Variants in FHIT observed in about 807,000 individuals in gnomAD.
FHIT encodes bis(5'-adenosyl)-triphosphatase.
In FHIT, 19 loss-of-function variants were observed where a neutral mutation model predicts 17.9. That is an observed-to-expected ratio of 1.06 (90% CI 0.74 to 1.56). The LOEUF is 1.56. Ranked by LOEUF, FHIT falls within the 40% of genes most tolerant of loss-of-function variation. FHIT has a pLI of 0.00. For synonymous variants in FHIT, 81 were observed against 69.7 expected (o/e 1.16, Z -0.81); for missense variants, 248 against 189.2 (o/e 1.31, Z -1.82).
chr3:61,184,301 C>A (rs1026057093), intron 2 of FHIT, among the ~76,000 whole-genome samples: 2 of 152,028 alleles, frequency 1.3e-5, no homozygotes, highest in African/African-American at 4.8e-5. Context: ...AACTGAATGG[C>A]CCCTTAGACC....
At chr3:60,232,662 A>T (rs1482233652) in intron 5 of FHIT, among the ~76,000 whole-genome samples, 2 of 152,124 alleles carry the variant, frequency 1.3e-5, no homozygotes, top group African/African-American at 4.8e-5. Flanking sequence ...TTCTGCCTCC[A>T]GGCATATCCC....
intron 5 of FHIT, among the ~76,000 whole-genome samples, chr3:60,195,695 A>G (rs993914332): frequency 1.3e-5 from 2 of 150,188 alleles, no homozygotes; most frequent in Non-Finnish European, 3.0e-5. Flanking sequence ...CTACTCAACC[A>G]TAAACAAGAA....
At chr3:59,859,338 T>C (rs1321784745) in intron 8 of FHIT, among the ~76,000 whole-genome samples, 1 of 152,042 alleles carries the variant, frequency 6.6e-6, no homozygotes, top group African/African-American at 2.4e-5. Context: ...GAAGAAACAG[T>C]GGAAGCTCCA....
At chr3:60,116,805 T>G (rs1009086332) in intron 5 of FHIT, among the ~76,000 whole-genome samples, 3 of 152,024 alleles carry the variant, frequency 2.0e-5, no homozygotes, top group Admixed American at 2.0e-4. Context: ...ATATGAAAAT[T>G]TTTTCCTGCC....
At chr3:60,890,212 T>G (rs1705439362) in intron 3 of FHIT, among the ~76,000 whole-genome samples, 2 of 91,766 alleles carry the variant, frequency 2.2e-5, no homozygotes, top group Non-Finnish European at 2.1e-5. Context: ...AAAATTAGCT[T>G]CCATGATGTA....
At chr3:60,095,989 G>T (rs770490441) in intron 5 of FHIT, among the ~76,000 whole-genome samples, 1 of 152,114 alleles carries the variant, frequency 6.6e-6, no homozygotes, top group Admixed American at 6.5e-5. Flanking sequence ...ATCATAAAAA[G>T]ACCAGAAATA....
At chr3:60,277,110 G>A (rs1045832563) in intron 5 of FHIT, among the ~76,000 whole-genome samples, 1 of 152,086 alleles carries the variant, frequency 6.6e-6, no homozygotes, top group Admixed American at 6.6e-5. Flanking sequence ...AGTCCTGGTG[G>A]TCAGCAAGAA....
Position 60,341,219 on chromosome 3 carries a change from C to T in FHIT, c.103+195641G>A, listed in dbSNP as rs917421789. On this transcript the variant is annotated intron_variant, in intron 5 of 9. Transcript: ENST00000492590. ...TGTGTTGTTTTGAGCTGGATATATC[C>T]ACACAGCACTTTAGTTTGTAAGGTA... 2.6e-5 allele frequency among the ~76,000 whole-genome samples: 4 copies of T among 152,068 alleles called. No individual in the cohort carries two copies. The East Asian group carries it at 7.7e-4, about 29-fold the overall frequency.
At chr3:61,037,384 AGT>A (rs2033310318) in intron 3 of FHIT, among the ~76,000 whole-genome samples, 1 of 152,212 alleles carries the variant, frequency 6.6e-6, no homozygotes, top group Non-Finnish European at 1.5e-5. Context: ...GAAAAATAAT[AGT>A]GTTTCCCAAA....
At chr3:61,041,634 C>T (rs539106694) in intron 3 of FHIT, among the ~76,000 whole-genome samples, 1 of 151,512 alleles carries the variant, frequency 6.6e-6, no homozygotes, top group Non-Finnish European at 1.5e-5. Context: ...ATAGAAATGC[C>T]CATCTATAAT....
chr3:60,273,259 T>G (rs1706957215), intron 5 of FHIT, among the ~76,000 whole-genome samples: 1 of 152,194 alleles, frequency 6.6e-6, no homozygotes. Flanking sequence ...TGAATTAATA[T>G]CCAATTCTCT....
At chr3:60,456,436 A>G (rs570718305) in intron 5 of FHIT, among the ~76,000 whole-genome samples, 41 of 152,318 alleles carry the variant, frequency 2.7e-4, no homozygotes, top group African/African-American at 9.1e-4. Flanking sequence ...CTGCAAGGTC[A>G]CACTTTGGGG....
At chr3:60,442,914 G>A (rs2031018442) in intron 5 of FHIT, among the ~76,000 whole-genome samples, 1 of 152,156 alleles carries the variant, frequency 6.6e-6, no homozygotes, top group Non-Finnish European at 1.5e-5. Context: ...AGCATGGAAT[G>A]TTCTTCCATT....
chr3:60,561,291 C>G (rs893632141), intron 4 of FHIT, among the ~76,000 whole-genome samples: 9 of 152,076 alleles, frequency 5.9e-5, no homozygotes, highest in African/African-American at 2.2e-4. Flanking sequence ...TACTCAAGGT[C>G]AAGCTCTTAG....
chr3:60,755,709 A>G (rs920341830), intron 4 of FHIT, among the ~76,000 whole-genome samples: 1 of 152,234 alleles, frequency 6.6e-6, no homozygotes, highest in African/African-American at 2.4e-5. Flanking sequence ...AAAGTTTCAA[A>G]TAACATGTAA....
intron 5 of FHIT, among the ~76,000 whole-genome samples, chr3:60,222,197 CTTAT>C (rs1293284255): frequency 2.0e-5 from 3 of 151,862 alleles, no homozygotes; most frequent in Admixed American, 6.6e-5. Context: ...ATCATTCTCT[CTTAT>C]TTATTTATTC....
intron 8 of FHIT, among the ~76,000 whole-genome samples, chr3:59,869,450 C>T (rs1378698349): frequency 6.8e-6 from 1 of 148,118 alleles, no homozygotes; most frequent in African/African-American, 2.5e-5. Flanking sequence ...TTTTCATGTA[C>T]TAGTCATTAT....
At chr3:60,694,548 G>A (rs546114003) in intron 4 of FHIT, among the ~76,000 whole-genome samples, 1 of 152,224 alleles carries the variant, frequency 6.6e-6, no homozygotes, top group African/African-American at 2.4e-5. Context: ...ATTTAACCCA[G>A]CCATCCCATT....
intron 8 of FHIT, among the ~76,000 whole-genome samples, chr3:59,863,856 T>G (rs1167871347): frequency 6.6e-6 from 1 of 152,218 alleles, no homozygotes; most frequent in Non-Finnish European, 1.5e-5. Context: ...GCAAGGTGCC[T>G]GCGGTAGTTT....
Sources: allele counts gnomAD v4.1 joint callset (sites outside exome capture counted in the v4.1 genomes callset), GRCh38; gene constraint gnomAD v4.1.1; transcripts MANE v1.5; gene names NCBI Gene and HGNC (gene_info 2026-07-23, HGNC 2026-07-21).